Variants in TUSC3 observed in about 807,000 individuals in gnomAD.
TUSC3 encodes tumor suppressor candidate 3.
TUSC3 carries 45 observed loss-of-function variants against 44.8 expected under a neutral mutation model. The ratio of observed to expected loss-of-function variants is 1.00; its 90% CI spans 0.79 to 1.29. TUSC3 has a LOEUF of 1.29. TUSC3 is among the 50% of genes most tolerant of loss of function. The pLI is 0.00. For synonymous variants in TUSC3, 212 were observed against 152.9 expected, an observed-to-expected ratio of 1.39 and a Z score of -2.85; for missense variants, 519 against 437.9, an observed-to-expected ratio of 1.19 and a Z score of -1.65.
intron 2 of TUSC3, among the ~76,000 whole-genome samples, chr8:15,526,394 G>A (rs1197819301): frequency 3.3e-5 from 5 of 152,200 alleles, no homozygotes; most frequent in East Asian, 3.9e-4. Context: ...AGATTTTCTC[G>A]TAGGAGTGTG....
the TUSC3 span, among the ~76,000 whole-genome samples, chr8:15,849,073 T>A: frequency 1.3e-3 from 203 of 152,276 alleles, no homozygotes; most frequent in Middle Eastern, 3.4e-3. Context: ...GCAAAATGAC[T>A]AAGAACTTTT....
intron 2 of TUSC3, among the ~76,000 whole-genome samples, chr8:15,645,899 C>G (rs931387310): frequency 2.6e-5 from 4 of 152,050 alleles, no homozygotes; most frequent in Admixed American, 6.5e-5. Flanking sequence ...GAGTTGTAGA[C>G]TCTCTAGAAT....
intron 2 of TUSC3, among the ~76,000 whole-genome samples, chr8:15,505,246 C>G (rs111667236): frequency 6.6e-6 from 1 of 152,118 alleles, no homozygotes; most frequent in Non-Finnish European, 1.5e-5. Flanking sequence ...AATGATCCTT[C>G]CAAACAAGAA....
At chr8:15,712,082 G>T in intron 6 of TUSC3, among the ~76,000 whole-genome samples, 1 of 151,898 alleles carries the variant, frequency 6.6e-6, no homozygotes, top group Middle Eastern at 3.4e-3. Flanking sequence ...TTCTAGGATT[G>T]AATATATCTT....
intron 1 of TUSC3, among the ~76,000 whole-genome samples, chr8:15,542,315 C>T (rs1023365639): frequency 1.2e-4 from 19 of 152,178 alleles, no homozygotes; most frequent in African/African-American, 4.3e-4. Context: ...AGGTGGCAGA[C>T]TTCAGAGAGA....
intron 1 of TUSC3, among the ~76,000 whole-genome samples, chr8:15,423,166 G>C (rs1585781589): frequency 6.6e-6 from 1 of 152,042 alleles, no homozygotes; most frequent in Non-Finnish European, 1.5e-5. Flanking sequence ...TTTAGAATCT[G>C]TTCATTTGCA....
intron 1 of TUSC3, among the ~76,000 whole-genome samples, chr8:15,604,221 T>G (rs551837056): frequency 6.6e-6 from 1 of 151,656 alleles, no homozygotes; most frequent in African/African-American, 2.4e-5. Context: ...TGTACCTGTT[T>G]ATGGGTGCGT....
chr8:15,738,827 CTT>C (rs375655033), intron 7 of TUSC3, among the ~76,000 whole-genome samples: 12 of 87,202 alleles, frequency 1.4e-4, no homozygotes, highest in African/African-American at 5.3e-4. Context: ...ATATATCTTG[CTT>C]TTTTTTTTTT....
chr8:15,593,751 A>G (rs34569729), intron 1 of TUSC3, among the ~76,000 whole-genome samples: 65,897 of 151,790 alleles, frequency 0.43, 15,269 homozygotes, highest in East Asian at 0.54. Flanking sequence ...TTCCCTTTCT[A>G]CATCCAAGAT....
At chr8:15,852,009 C>A in the TUSC3 span, among the ~76,000 whole-genome samples, 4 of 152,022 alleles carry the variant, frequency 2.6e-5, no homozygotes, top group African/African-American at 9.7e-5. Flanking sequence ...GTGAGATGTG[C>A]CTTTTGCCTT....
rs1382935898 is a variant in TUSC3, at chr8:15,620,188, G to A, written c.139-2892G>A. Among the ~76,000 whole-genome samples the A allele has an allele frequency of 7.9e-5, 12 of 152,216 alleles. No individual in the cohort carries two copies. In the East Asian group the frequency reaches 1.9e-3, roughly 25 times the overall value. The stretch of plus-strand genomic sequence containing the variant: ...AGAATGAATACTCTAATCTGTTGAG[G>A]GTATAGTGAATCTCACACTCTAATA... On this transcript the variant is annotated intron_variant, in intron 1 of 10. Coordinates refer to ENST00000503731, the MANE Select transcript of TUSC3 (RefSeq NM_006765.4).
At chr8:15,598,586 C>CTTCT (rs1554455768) in intron 1 of TUSC3, among the ~76,000 whole-genome samples, 3 of 15,312 alleles carry the variant, frequency 2.0e-4, no homozygotes, top group Non-Finnish European at 5.1e-4. Context: ...CCCTAAAACT[C>CTTCT]GTCATACTTC....
intron 1 of TUSC3, 43 bp downstream of exon 1, chr8:15,540,611 G>T: frequency 6.7e-7 from 1 of 1,496,104 alleles, no homozygotes; most frequent in Non-Finnish European, 9.0e-7. Flanking sequence ...GCGGGGGCGG[G>T]CCAGGGTGGG....
At chr8:15,695,920 G>A (rs1230747153) in intron 6 of TUSC3, among the ~76,000 whole-genome samples, 2 of 152,122 alleles carry the variant, frequency 1.3e-5, no homozygotes, top group African/African-American at 2.4e-5. Flanking sequence ...AAGTGAGGTG[G>A]GTGCTGTTAA....
intron 2 of TUSC3, among the ~76,000 whole-genome samples, chr8:15,494,307 T>G (rs576345023): frequency 6.9e-6 from 1 of 144,668 alleles, no homozygotes. Context: ...CCATAGGGCT[T>G]ATCTCTCATC....
the TUSC3 span, among the ~76,000 whole-genome samples, chr8:15,843,675 A>G: frequency 1.3e-5 from 2 of 150,938 alleles, no homozygotes; most frequent in East Asian, 1.9e-4. Context: ...ATAATTATCT[A>G]TATCTATATG....
At chr8:15,438,438 G>A (rs566614698) in intron 1 of TUSC3, among the ~76,000 whole-genome samples, 2 of 147,190 alleles carry the variant, frequency 1.4e-5, no homozygotes, top group African/African-American at 5.0e-5. Flanking sequence ...TAAAGTATGT[G>A]CATGGTGCCT....
At chr8:15,678,348 T>C (rs1260668417) in intron 6 of TUSC3, among the ~76,000 whole-genome samples, 2 of 152,146 alleles carry the variant, frequency 1.3e-5, no homozygotes, top group African/African-American at 4.8e-5. Flanking sequence ...GAAATATGGG[T>C]AGTATACTAC....
In TUSC3 at chr8:15,504,601, ATATATATATATATATATATATT is replaced by A. The variant is rs1172958800; in HGVS notation, n.189+21120_189+21141del. On this transcript the variant is annotated intron_variant and non_coding_transcript_variant, in intron 2 of 5. Transcript: ENST00000503191. ...AGGATATATATATATATATATATAT[ATATATATATATATATATATATT>A]TTTTTTTTTTTTTTTTTTTAAGTGG... 2.2e-3 allele frequency among the ~76,000 whole-genome samples: 87 copies of A among 39,090 alleles called. 3 individuals carry two copies. The highest frequency in any genetic ancestry group is 9.9e-3 in the African/African-American group (78 of 7,840). The allele number at this position is 39,090 out of a possible 152,430, so 25.6% of individuals were successfully genotyped here. A position where few individuals can be genotyped will look rare whatever the true frequency, so the allele number is the denominator to read the frequency against.
Sources: allele counts gnomAD v4.1 joint callset (sites outside exome capture counted in the v4.1 genomes callset), GRCh38; gene constraint gnomAD v4.1.1; transcripts MANE v1.5; gene names NCBI Gene and HGNC (gene_info 2026-07-23, HGNC 2026-07-21).